HTATIP2: variants seen among roughly 807,000 people sequenced by gnomAD.
HTATIP2 encodes HIV-1 Tat interactive protein 2.
A neutral mutation model predicts 24.7 loss-of-function variants in HTATIP2; 26 were observed. That is an observed-to-expected ratio of 1.05 (90% CI 0.77 to 1.46). The LOEUF (loss-of-function observed/expected upper bound fraction) is 1.46, where lower values mean the gene tolerates loss of function less well. HTATIP2 is among the 40% of genes most tolerant of loss of function. The pLI is 0.00. For missense variants in HTATIP2, 284 were observed against 289.6 expected, an observed-to-expected ratio of 0.98 and a Z score of 0.14; for synonymous variants, 99 against 113.2, an observed-to-expected ratio of 0.87 and a Z score of 0.79.
At chr11:20,367,456 G>C in intron 2 of HTATIP2, 175 bp downstream of exon 2, 1 of 1,476,344 alleles carries the variant, frequency 6.8e-7, no homozygotes, top group South Asian at 1.4e-5. Context: ...GTACTGATAA[G>C]TTCGTCTTTC....
chr11:20,382,957 T>C (rs1848542704), intron 4 of HTATIP2, 23 bp from the exon 5 acceptor site: 1 of 326,108 alleles, frequency 3.1e-6, no homozygotes, highest in Non-Finnish European at 4.2e-6. Context: ...CTTTTCTTTC[T>C]TTTTTTTTTT....
At chr11:20,367,513 A>G (rs904306053) in intron 2 of HTATIP2, 2 of 1,437,268 alleles carry the variant, frequency 1.4e-6, no homozygotes, top group African/African-American at 2.9e-5. Flanking sequence ...CGTCGTAAAT[A>G]TTTACATGAT....
At chr11:20,373,472 A>G (rs1026814671) in intron 2 of HTATIP2, among the ~76,000 whole-genome samples, 13 of 152,222 alleles carry the variant, frequency 8.5e-5, no homozygotes, top group African/African-American at 3.1e-4. Flanking sequence ...CTGGCTCTGG[A>G]TTAAGTGAGA....
At chr11:20,364,543 C>A in intron 1 of HTATIP2, 111 bp downstream of exon 1, 2 of 967,578 alleles carry the variant, frequency 2.1e-6, no homozygotes, top group Non-Finnish European at 3.0e-6. Flanking sequence ...AGTGAGAGGC[C>A]ATCAAAACTT....
intron 2 of HTATIP2, among the ~76,000 whole-genome samples, chr11:20,373,921 A>G (rs926277344): frequency 1.3e-5 from 2 of 152,236 alleles, no homozygotes; most frequent in Non-Finnish European, 2.9e-5. Flanking sequence ...TTGAGTCGGT[A>G]TATAGACAGC....
intron 2 of HTATIP2, among the ~76,000 whole-genome samples, chr11:20,373,973 A>G (rs1215684811): frequency 3.9e-5 from 6 of 152,248 alleles, no homozygotes; most frequent in Non-Finnish European, 2.9e-5. Flanking sequence ...AAAGTATACA[A>G]CAAAAAGTAT....
In HTATIP2 at chr11:20,368,981, T is replaced by G. The variant is rs115965299; in HGVS notation, c.303+1700T>G. 1.0e-2 allele frequency among the ~76,000 whole-genome samples: 1,520 copies of G among 152,182 alleles called. 27 individuals carry two copies. Among genetic ancestry groups the G allele is most frequent in the African/African-American group, 0.035 (1,448 of 41,508 alleles). On this transcript the variant is annotated intron_variant, in intron 2 of 4. Coordinates refer to ENST00000451739, the MANE Select transcript of HTATIP2 (RefSeq NM_001098522.2). ...CTAGACTATTCACCTAGCTTAGAAA[T>G]GAATTAGGACTTAAATGATTTAAGA...
chr11:20,372,677 GA>G, intron 2 of HTATIP2, among the ~76,000 whole-genome samples: 1 of 152,304 alleles, frequency 6.6e-6, no homozygotes, highest in South Asian at 2.1e-4. Context: ...CATGGTTAGG[GA>G]AACTAAGTAC....
chr11:20,367,542 C>G, intron 2 of HTATIP2: 3 of 1,427,098 alleles, frequency 2.1e-6, no homozygotes, highest in Non-Finnish European at 2.7e-6. Context: ...TTGTGATTAT[C>G]GCTATCACTA....
intron 1 of HTATIP2, among the ~76,000 whole-genome samples, 184 bp from the exon 2 acceptor site, chr11:20,366,990 G>A (rs2064715928): frequency 2.0e-5 from 3 of 152,206 alleles, no homozygotes; most frequent in Admixed American, 6.5e-5. Context: ...GGACATATGT[G>A]TGTGTTGTTG....
chr11:20,382,956 C>CTTTCTTTTTTTTTTTTTTT, intron 4 of HTATIP2, 24 bp from the exon 5 acceptor site: 1 of 1,256,532 alleles, frequency 8.0e-7, no homozygotes. Context: ...GCTTTTCTTT[C>CTTTCTTTTTTTTTTTTTTT]TTTTTTTTTT....
At chr11:20,377,203 C>T (rs1848460371) in intron 3 of HTATIP2, among the ~76,000 whole-genome samples, 1 of 151,400 alleles carries the variant, frequency 6.6e-6, no homozygotes, top group African/African-American at 2.4e-5. Flanking sequence ...AGCCTCTGCC[C>T]CGCCAAGTAA....
rs2133259897 is a variant in HTATIP2, at chr11:20,364,114, G to C, written c.-124G>C. 2.1e-6 allele frequency: 3 copies of C among 1,443,406 alleles called. No individual in the cohort carries two copies. Among genetic ancestry groups the C allele is most frequent in the East Asian group, 4.9e-5 (2 of 40,604 alleles). 89.4% of individuals were successfully genotyped at this position (1,443,406 alleles called of 1,614,324 possible). ...CGCACGTGACTCAGCACTTTCCCCA[G>C]AGCCCGGACTGCGGAGAACAATATC... is the stretch of plus-strand genomic sequence containing the variant. On this transcript the variant is annotated 5_prime_UTR_variant, in exon 1 of 5. Transcript: ENST00000451739.
At position 20,383,668 on chromosome 11, in the gene HTATIP2, G is replaced by T. The variant is rs188466553; in HGVS notation, c.*463G>T. On this transcript the variant is annotated 3_prime_UTR_variant, in exon 5 of 5. Coordinates refer to ENST00000451739, the MANE Select transcript of HTATIP2 (RefSeq NM_001098522.2). Reference sequence around the variant, plus strand: ...AAGTGCTAATTCACTACATGTAATTGTGTAAGTAAACATTGTGCCTTTACT... The same window carrying T: ...AAGTGCTAATTCACTACATGTAATTTTGTAAGTAAACATTGTGCCTTTACT... 21 of 160,966 alleles carry T rather than the reference G, an allele frequency of 1.3e-4. No homozygotes were observed. Among genetic ancestry groups the T allele is most frequent in the Admixed American group, 1.8e-4 (3 of 16,518 alleles). The allele number at this position is 160,966 out of a possible 1,614,324, so 10.0% of individuals were successfully genotyped here. A position where few individuals can be genotyped will look rare whatever the true frequency, so the allele number is the denominator to read the frequency against.
In HTATIP2 at chr11:20,383,273, T is replaced by TA; in HGVS notation, c.*75dup. ...TCACCAAATCGGTAATTTCAGGGTC[T>TA]AAAAAAAGTCAGCATGTTTTAACTT... is the stretch of plus-strand genomic sequence containing the variant. On this transcript the variant is annotated 3_prime_UTR_variant, in exon 5 of 5. Transcript: ENST00000451739. 2.5e-6 allele frequency: 3 copies of TA among 1,209,448 alleles called. No individual in the cohort carries two copies. The highest frequency in any genetic ancestry group is 2.3e-6 in the Non-Finnish European group (2 of 852,330). The allele number at this position is 1,209,448 out of a possible 1,614,324, so 74.9% of individuals were successfully genotyped here. A position where few individuals can be genotyped will look rare whatever the true frequency, so the allele number is the denominator to read the frequency against.
At position 20,363,761 on chromosome 11, in the gene HTATIP2, C is replaced by G. The variant is rs2064658786; in HGVS notation, c.-477C>G. The G allele has an allele frequency of 6.5e-6, 8 of 1,237,474 alleles. No homozygotes were observed. The highest frequency in any genetic ancestry group is 8.1e-6 in the Non-Finnish European group (8 of 986,958). 76.7% of individuals were successfully genotyped at this position (1,237,474 alleles called of 1,614,324 possible). On this transcript the variant is annotated 5_prime_UTR_variant, in exon 1 of 5. Coordinates refer to ENST00000451739, the MANE Select transcript of HTATIP2 (RefSeq NM_001098522.2). ...GAAGACCAAGCCGGGTAGGCGCTGT[C>G]TCCGTCGCCTCCAACCCCCCCGGTC...
At chr11:20,380,730 C>G (rs1848508087) in intron 3 of HTATIP2, among the ~76,000 whole-genome samples, 1 of 148,390 alleles carries the variant, frequency 6.7e-6, no homozygotes, top group African/African-American at 2.5e-5. Context: ...TTGTGTATGA[C>G]TGTTCATAGC....
intron 3 of HTATIP2, among the ~76,000 whole-genome samples, chr11:20,378,765 C>T (rs1319285732): frequency 1.8e-4 from 28 of 152,096 alleles, no homozygotes; most frequent in Non-Finnish European, 2.9e-5. Context: ...TGGCTGGGCA[C>T]GGTGGCTCAC....
intron 1 of HTATIP2, 135 bp downstream of exon 1, chr11:20,364,567 C>A: frequency 1.4e-6 from 1 of 696,800 alleles, no homozygotes; most frequent in Non-Finnish European, 2.4e-6. Flanking sequence ...CAAGATTGGT[C>A]TGTGAGAGTC....
Sources: gnomAD v4.1 joint callset for allele counts (sites outside exome capture counted in the v4.1 genomes callset) on GRCh38, gnomAD v4.1.1 for gene constraint, MANE v1.5 for transcripts, NCBI Gene and HGNC (gene_info 2026-07-23, HGNC 2026-07-21) for gene names.